Variants in URB1 observed in about 807,000 individuals in gnomAD.
The protein encoded by URB1 is nucleolar pre-ribosomal-associated protein 1.
URB1 carries 197 observed loss-of-function variants against 242.3 expected under a neutral mutation model. That is an observed-to-expected ratio of 0.81 (90% CI 0.72 to 0.91). The LOEUF is 0.91. Ranked by LOEUF, URB1 falls within the 40% of genes least tolerant of loss-of-function variation. The pLI is 0.00. For synonymous variants in URB1, 1,153 were observed against 1,201.8 expected, an observed-to-expected ratio of 0.96 and a Z score of 0.84; for missense variants, 2,721 against 2,860.5, an observed-to-expected ratio of 0.95 and a Z score of 1.11.
chr21:32,346,836 C>T, intron 22 of URB1, 120 bp downstream of exon 22: 1 of 1,369,054 alleles, frequency 7.3e-7, no homozygotes, highest in Non-Finnish European at 9.6e-7. Context: ...GTGTCAGACA[C>T]TGGAAACTAA....
In URB1 at chr21:32,317,678, A is replaced by G. The variant is rs776509048; in HGVS notation, c.6032T>C (p.Met2011Thr). 138 of 1,551,596 alleles carry G rather than the reference A, an allele frequency of 8.9e-5. 1 individual carries two copies. The highest frequency in any genetic ancestry group is 1.2e-4 in the Non-Finnish European group (132 of 1,146,976). Residue 2011 changes from methionine to threonine, a missense_variant and splice_region_variant, in exon 37 of 39, where the codon ATG becomes ACG. By Grantham distance (81) the Met-to-Thr change is moderately conservative. Transcript: ENST00000382751. ...AIEKAQAREL[M>T]KMLKDKNKPV... is the part of the protein sequence containing the mutation. ...CAGTCCTGGGTTCTGACACTCACTC[A>G]TGAGCTCCCGGGCTTGGGCCTTCTC...
intron 12 of URB1, 108 bp downstream of exon 12, chr21:32,361,755 TAGACACATTCACAGCCAGAGGTGCCTTGA>T: frequency 3.2e-6 from 4 of 1,260,212 alleles, no homozygotes; most frequent in Non-Finnish European, 4.3e-6. Context: ...AAAAAGGATA[TAGACACATTCACAGCCAGAGGTGCCTTGA>T]AACAAAAACT....
At chr21:32,331,186 C>A (rs1055885307) in intron 30 of URB1, among the ~76,000 whole-genome samples, 4 of 152,120 alleles carry the variant, frequency 2.6e-5, no homozygotes, top group Non-Finnish European at 5.9e-5. Flanking sequence ...GCCACACCCC[C>A]AGCACACCCC....
At chr21:32,331,540 T>C (rs1202257513) in intron 30 of URB1, among the ~76,000 whole-genome samples, 1 of 151,840 alleles carries the variant, frequency 6.6e-6, no homozygotes, top group Non-Finnish European at 1.5e-5. Flanking sequence ...AACAAGGGAG[T>C]GCGTTCCTGG....
intron 36 of URB1, 74 bp downstream of exon 36, chr21:32,319,143 T>C (rs2032729998): frequency 2.1e-6 from 3 of 1,418,158 alleles, no homozygotes; most frequent in African/African-American, 1.5e-5. Flanking sequence ...GACTGAGACA[T>C]GGTGTCCACA....
chr21:32,367,023 A>T (rs1447708005), intron 9 of URB1, among the ~76,000 whole-genome samples: 1 of 152,150 alleles, frequency 6.6e-6, no homozygotes, highest in African/African-American at 2.4e-5. Context: ...CTCTGATGGC[A>T]AATAAATCAC....
intron 9 of URB1, 94 bp from the exon 10 acceptor site, chr21:32,366,849 A>C (rs1348971006): frequency 7.4e-7 from 1 of 1,355,822 alleles, no homozygotes; most frequent in Non-Finnish European, 1.0e-6. Flanking sequence ...CCATTCAATC[A>C]AATAATTATA....
At chr21:32,340,248 A>C (rs533543777) in intron 25 of URB1, among the ~76,000 whole-genome samples, 2 of 152,314 alleles carry the variant, frequency 1.3e-5, no homozygotes. Context: ...CAAACTGAAG[A>C]GCTGGAATGT....
chr21:32,321,620 G>A (rs1000597371), intron 34 of URB1, among the ~76,000 whole-genome samples, 181 bp downstream of exon 34: 1 of 152,192 alleles, frequency 6.6e-6, no homozygotes, highest in Non-Finnish European at 1.5e-5. Flanking sequence ...GAATCCACCT[G>A]CTCTGCATGC....
intron 25 of URB1, among the ~76,000 whole-genome samples, chr21:32,339,138 G>T (rs1354945022): frequency 6.6e-6 from 1 of 152,096 alleles, no homozygotes; most frequent in Non-Finnish European, 1.5e-5. Flanking sequence ...GGGATTAAAG[G>T]CATGCACCAC....
At chr21:32,347,862 C>G (rs2033111261) in intron 21 of URB1, 51 bp from the exon 22 acceptor site, 27 of 1,475,416 alleles carry the variant, frequency 1.8e-5, no homozygotes, top group Non-Finnish European at 2.4e-5. Context: ...AGGGCTAAGA[C>G]AGGGGCGGCA....
intron 19 of URB1, among the ~76,000 whole-genome samples, 192 bp downstream of exon 19, chr21:32,352,516 CTG>C (rs1160297415): frequency 6.6e-6 from 1 of 152,228 alleles, no homozygotes; most frequent in African/African-American, 2.4e-5. Context: ...TCACTGAGTC[CTG>C]TGTGTTCAGT....
chr21:32,353,634 C>G (rs2033183954), intron 18 of URB1, among the ~76,000 whole-genome samples: 1 of 152,168 alleles, frequency 6.6e-6, no homozygotes, highest in Non-Finnish European at 1.5e-5. Context: ...ATCAACGTAT[C>G]AAGAATAAAT....
At chr21:32,340,576 G>T (rs2033018699) in intron 25 of URB1, among the ~76,000 whole-genome samples, 1 of 152,200 alleles carries the variant, frequency 6.6e-6, no homozygotes, top group Admixed American at 6.5e-5. Flanking sequence ...TCACACCATT[G>T]TACTCCAGTC....
intron 1 of URB1, among the ~76,000 whole-genome samples, chr21:32,389,529 A>G (rs2033616852): frequency 6.6e-6 from 1 of 152,178 alleles, no homozygotes. Context: ...TGATGCCTGG[A>G]CTAGAATGAT....
rs2032687564 is a variant in URB1, at chr21:32,316,507, A to C, written c.6593T>G (p.Leu2198Arg). Residue 2198 changes from leucine (L) to arginine (R), a missense_variant, in exon 38 of 39, where the codon CTC (leucine) becomes CGC (arginine). Transcript: ENST00000382751. ...CTTCTCACTCAGAGAAGACAGGGAG[A>C]GGGCTTCCATGGCCGGGTGGAAGGG... ...GSPFHPAMEALSLSSLSEKDE... is the reference protein window; with the variant it reads ...GSPFHPAMEARSLSSLSEKDE... The C allele has an allele frequency of 5.8e-6, 9 of 1,545,740 alleles. No homozygotes were observed. The East Asian group carries it at 2.2e-4, about 38-fold the overall frequency.
intron 20 of URB1, among the ~76,000 whole-genome samples, chr21:32,350,149 A>C (rs1271738105): frequency 7.9e-6 from 1 of 126,756 alleles, no homozygotes; most frequent in Non-Finnish European, 1.6e-5. Context: ...AGAGGGAGGG[A>C]GGGCTGGGTG....
Position 32,338,788 on chromosome 21 carries a change from C to T in URB1, c.4429G>A (p.Val1477Met), listed in dbSNP as rs372872480. The part of the protein sequence containing the change: ...TKLIQLPVVY[V>M]MLMQHSLFLP... ...AACAGCGAGTGCTGCATGAGCATCA[C>T]GTAGACCACCGGGAGCTGGATGAGC... Residue 1477 changes from valine (V) to methionine (M), a missense_variant, in exon 26 of 39, where the codon GTG becomes ATG. Coordinates refer to ENST00000382751, the MANE Select transcript of URB1 (RefSeq NM_014825.3). The T allele has an allele frequency of 1.1e-5, 17 of 1,551,584 alleles. No homozygotes were observed. Among genetic ancestry groups the T allele is most frequent in the African/African-American group, 1.4e-5 (1 of 73,030 alleles).
chr21:32,337,459 C>T lies in URB1; in HGVS notation c.4566G>A (p.Glu1522=). The change falls in exon 27 of 39, where the codon GAG becomes GAA. Residue 1522 remains glutamate, a synonymous_variant. Transcript: ENST00000382751. The part of the protein sequence containing the change: ...TVVEMCPSVC[E]SSHFAVLLGA... ...CGAGAAGCACTGCAAAGTGGCTGCT[C>T]TCACAGACAGAGGGGCACATCTCCA... 1 of 1,550,836 alleles carries T rather than the reference C, an allele frequency of 6.4e-7. No individual in the cohort carries two copies. Among genetic ancestry groups the T allele is most frequent in the Non-Finnish European group, 8.7e-7 (1 of 1,146,382 alleles).
Sources: gnomAD v4.1 joint callset for allele counts (sites outside exome capture counted in the v4.1 genomes callset) on GRCh38, gnomAD v4.1.1 for gene constraint, MANE v1.5 for transcripts, NCBI Gene and HGNC (gene_info 2026-07-23, HGNC 2026-07-21) for gene names.